MCC: variants seen among roughly 807,000 people sequenced by gnomAD.
The protein encoded by MCC is colorectal mutant cancer protein.
Under a neutral mutation model 116.2 loss-of-function variants are expected in MCC, and 90 were observed. The ratio of observed to expected loss-of-function variants is 0.77; its 90% CI spans 0.65 to 0.92. MCC has a LOEUF of 0.92. MCC is among the 40% of genes least tolerant of loss of function. The pLI is 0.00. For missense variants in MCC, 1,516 were observed against 1,312.2 expected, an observed-to-expected ratio of 1.16 and a Z score of -2.40; for synonymous variants, 578 against 510.5, an observed-to-expected ratio of 1.13 and a Z score of -1.78.
chr5:113,109,734 C>A (rs1330128688), intron 6 of MCC, among the ~76,000 whole-genome samples: 1 of 151,936 alleles, frequency 6.6e-6, no homozygotes, highest in African/African-American at 2.4e-5. Flanking sequence ...AAAACGGTAA[C>A]CTTCAAGAAT....
At chr5:113,315,043 C>G (rs902511016) in intron 3 of MCC, among the ~76,000 whole-genome samples, 1 of 152,202 alleles carries the variant, frequency 6.6e-6, no homozygotes, top group Non-Finnish European at 1.5e-5. Flanking sequence ...AAGAGCTTTG[C>G]TCTCCATCAG....
chr5:113,412,583 G>T (rs1210731343), intron 1 of MCC, among the ~76,000 whole-genome samples: 1 of 152,044 alleles, frequency 6.6e-6, no homozygotes, highest in Non-Finnish European at 1.5e-5. Flanking sequence ...GTCTGTTATT[G>T]GTGTATAGGA....
rs1038961129 is a variant in MCC at position 113,151,340 on chromosome 5, T to A, written c.710A>T (p.Asp237Val). ...CTTGGCCAATTTCTTTTCCAGAAGG[T>A]CCCGTTCCCTCTCTGTTTGCTGGAG... ...KRLQQTERER[D>V]LLEKKLAKAQ... Residue 237 changes from aspartate to valine, a missense_variant, in exon 4 of 19, where the codon GAC becomes GTC. Asp to Val is a radical substitution (Grantham distance 152). Coordinates refer to ENST00000408903, the MANE Select transcript of MCC (RefSeq NM_001085377.2). 2.5e-6 allele frequency: 4 copies of A among 1,613,770 alleles called. No individual in the cohort carries two copies. Among genetic ancestry groups the A allele is most frequent in the Non-Finnish European group, 3.4e-6 (4 of 1,179,758 alleles).
At chr5:113,077,834 C>CA (rs1336841173) in intron 11 of MCC, among the ~76,000 whole-genome samples, 9 of 151,962 alleles carry the variant, frequency 5.9e-5, no homozygotes, top group African/African-American at 1.9e-4. Flanking sequence ...AAGAGAGACA[C>CA]AAAAAACCCT....
At chr5:113,109,662 T>C (rs1756967886) in intron 6 of MCC, among the ~76,000 whole-genome samples, 1 of 152,186 alleles carries the variant, frequency 6.6e-6, no homozygotes, top group South Asian at 2.1e-4. Flanking sequence ...ACAATAAATA[T>C]AATAAATGTA....
intron 3 of MCC, among the ~76,000 whole-genome samples, chr5:113,208,831 C>T (rs1185159091): frequency 6.6e-6 from 1 of 152,172 alleles, no homozygotes; most frequent in Non-Finnish European, 1.5e-5. Context: ...ATGTCCCCAA[C>T]ATCATGGCCA....
chr5:113,321,666 C>T (rs1410129356), intron 3 of MCC, among the ~76,000 whole-genome samples: 4 of 152,140 alleles, frequency 2.6e-5, no homozygotes, highest in Non-Finnish European at 4.4e-5. Flanking sequence ...GCAAATGCTC[C>T]CTATTTCTCC....
chr5:113,183,784 G>A (rs1761748052), intron 3 of MCC, among the ~76,000 whole-genome samples: 1 of 152,184 alleles, frequency 6.6e-6, no homozygotes, highest in Non-Finnish European at 1.5e-5. Context: ...GGGGCAAATG[G>A]TCAGAATTCT....
intron 2 of MCC, among the ~76,000 whole-genome samples, chr5:113,368,575 T>TC (rs1768758397): frequency 6.6e-6 from 1 of 152,182 alleles, no homozygotes; most frequent in Admixed American, 6.5e-5. Context: ...TCTTATTTTT[T>TC]CCCACTGAAT....
At chr5:113,130,565 A>T (rs1235028265) in intron 5 of MCC, among the ~76,000 whole-genome samples, 3 of 151,982 alleles carry the variant, frequency 2.0e-5, no homozygotes, top group Non-Finnish European at 4.4e-5. Flanking sequence ...TAGAAATTTC[A>T]CCCCCAATAT....
At chr5:113,189,303 C>G (rs1982287) in intron 3 of MCC, among the ~76,000 whole-genome samples, 150,025 of 152,334 alleles carry the variant, frequency 0.98, 73,908 homozygotes, top group Middle Eastern at 1. Flanking sequence ...GGACTTACTA[C>G]AGACCATCTC....
chr5:113,043,513 G>C lies in MCC; in HGVS notation c.2756+17C>G, dbSNP rs1194718855. ...GCCCAGGATAAACACCAGCTGGGGT[G>C]GGGAAAGGGTGCTTACCGACGAATG... On this transcript the variant is annotated intron_variant, in intron 17 of 18. Transcript: ENST00000408903. The C allele has an allele frequency of 3.1e-6, 5 of 1,607,566 alleles. No individual in the cohort carries two copies. The highest frequency in any genetic ancestry group is 2.2e-5 in the East Asian group (1 of 44,822).
chr5:113,114,170 T>C (rs1381174155), intron 6 of MCC, among the ~76,000 whole-genome samples: 1 of 152,078 alleles, frequency 6.6e-6, no homozygotes, highest in African/African-American at 2.4e-5. Flanking sequence ...AATTGGTTGA[T>C]TAAGATGAGT....
At chr5:113,132,475 C>CAT (rs1758522110) in intron 5 of MCC, among the ~76,000 whole-genome samples, 1 of 139,110 alleles carries the variant, frequency 7.2e-6, no homozygotes, top group African/African-American at 2.8e-5. Flanking sequence ...CACACACACA[C>CAT]ACATACATAT....
intron 2 of MCC, among the ~76,000 whole-genome samples, chr5:113,355,629 C>T (rs952582085): frequency 1.3e-5 from 2 of 152,058 alleles, no homozygotes; most frequent in African/African-American, 2.4e-5. Context: ...GGGGTTCTGG[C>T]GAGGGCTGTA....
At position 113,249,622 on chromosome 5, in the gene MCC, ATAAGCAGG is replaced by A. The variant is rs1368929252; in HGVS notation, c.627+90889_627+90896del. On this transcript the variant is annotated intron_variant, in intron 3 of 18. Coordinates refer to ENST00000408903, the MANE Select transcript of MCC (RefSeq NM_001085377.2). Reference sequence around the variant, plus strand: ...TTTCCTCTTGGCTCACCCCCCAAAAATAAGCAGGTAAATCTGGCTGTCTCTGTATATCT... The same window carrying A: ...TTTCCTCTTGGCTCACCCCCCAAAAATAAATCTGGCTGTCTCTGTATATCT... Among the ~76,000 whole-genome samples, 20 of 152,224 alleles carry A rather than the reference ATAAGCAGG, an allele frequency of 1.3e-4. No homozygotes were observed. In the East Asian group the frequency reaches 3.9e-3, roughly 29 times the overall value.
At chr5:113,197,400 G>A (rs1762466541) in intron 3 of MCC, among the ~76,000 whole-genome samples, 1 of 152,100 alleles carries the variant, frequency 6.6e-6, no homozygotes, top group South Asian at 2.1e-4. Context: ...TTCTTTTTTA[G>A]GCAGTGAAAA....
chr5:113,119,687 G>C (rs1447830160), intron 6 of MCC, among the ~76,000 whole-genome samples: 1 of 151,688 alleles, frequency 6.6e-6, no homozygotes, highest in Non-Finnish European at 1.5e-5. Context: ...CCCCAAGTGA[G>C]TTTGCTGACT....
intron 4 of MCC, 72 bp from the exon 5 acceptor site, chr5:113,143,432 TG>T: frequency 2.6e-6 from 4 of 1,561,278 alleles, no homozygotes; most frequent in Non-Finnish European, 2.6e-6. Context: ...CCAAGCTTTG[TG>T]GCCTTAAACC....
Sources: gnomAD v4.1 joint callset for allele counts (sites outside exome capture counted in the v4.1 genomes callset) on GRCh38, gnomAD v4.1.1 for gene constraint, MANE v1.5 for transcripts, NCBI Gene and HGNC (gene_info 2026-07-23, HGNC 2026-07-21) for gene names.